The following GRIP1 variants were observed in gnomAD, a reference collection of about 807,000 sequenced individuals.
GRIP1 encodes the protein glutamate receptor interacting protein 1.
GRIP1 carries 45 observed loss-of-function variants against 129.9 expected under a neutral mutation model. The ratio of observed to expected loss-of-function variants is 0.35; its 90% confidence interval spans 0.27 to 0.44. GRIP1 has a LOEUF of 0.44. Among genes scored for constraint, GRIP1 ranks in the 20% least tolerant of loss-of-function variants. GRIP1 has a pLI of 1.00. For synonymous variants in GRIP1, 530 were observed against 520.8 expected (o/e 1.02, Z -0.24); for missense variants, 1,196 against 1,396.8 (o/e 0.86, Z 2.29).
intron 1 of GRIP1, among the ~76,000 whole-genome samples, chr12:66,850,790 C>T (rs1410851250): frequency 6.6e-6 from 1 of 151,806 alleles, no homozygotes; most frequent in Non-Finnish European, 1.5e-5. Flanking sequence ...TAACCACATA[C>T]ACACACGGCT....
At chr12:66,585,092 C>CTT (rs1355677788) in intron 2 of GRIP1, among the ~76,000 whole-genome samples, 2 of 131,204 alleles carry the variant, frequency 1.5e-5, no homozygotes, top group African/African-American at 6.3e-5. Context: ...AGATATACTT[C>CTT]TTTTTTTTCC....
chr12:66,857,874 T>C (rs2040035032), intron 1 of GRIP1, among the ~76,000 whole-genome samples: 1 of 152,004 alleles, frequency 6.6e-6, no homozygotes, highest in Admixed American at 6.6e-5. Context: ...AGTACAAGCT[T>C]ATCAAGTGTG....
chr12:66,654,865 G>A (rs1391477323), intron 1 of GRIP1, among the ~76,000 whole-genome samples: 3 of 152,192 alleles, frequency 2.0e-5, no homozygotes, highest in African/African-American at 7.2e-5. Flanking sequence ...AATATTGTAA[G>A]TCTGGGAAGC....
chr12:67,059,603 T>C lies in GRIP1; in HGVS notation c.58+9447A>G, dbSNP rs147378723. Among the ~76,000 whole-genome samples, 277 of 152,370 alleles carry C rather than the reference T, an allele frequency of 1.8e-3. 1 individual carries two copies. Among genetic ancestry groups the C allele is most frequent in the African/African-American group, 6.4e-3 (266 of 41,590 alleles). On this transcript the variant is annotated intron_variant, in intron 1 of 1. Coordinates refer to the GRIP1 transcript ENST00000643019. Reference sequence around the variant, plus strand: ...AAACTAGAGACTAATGTGTTCTTAATTGACAAGATCTAATTTTTTCCTTTT... The same window carrying C: ...AAACTAGAGACTAATGTGTTCTTAACTGACAAGATCTAATTTTTTCCTTTT...
At chr12:66,470,451 T>C (rs1273989217) in intron 7 of GRIP1, among the ~76,000 whole-genome samples, 1 of 152,076 alleles carries the variant, frequency 6.6e-6, no homozygotes, top group Non-Finnish European at 1.5e-5. Context: ...TTTTTTTTTT[T>C]AACAACTGCT....
chr12:66,764,520 C>T (rs894211399), intron 1 of GRIP1, among the ~76,000 whole-genome samples: 2 of 152,118 alleles, frequency 1.3e-5, no homozygotes, highest in East Asian at 1.9e-4. Context: ...CAGGAATGTG[C>T]TTTACTTCAT....
Position 66,754,662 on chromosome 12 carries a change from T to C in GRIP1, c.-420+49391A>G, listed in dbSNP as rs534182930. On this transcript the variant is annotated intron_variant, in intron 1 of 4. Transcript: ENST00000538373. ...ACTGCCCTTTAACACTCAGAGCTGA[T>C]ACCATTATTCCAGAAGTAAGACTAA... Among the ~76,000 whole-genome samples, 4 of 152,298 alleles carry C rather than the reference T, an allele frequency of 2.6e-5. No homozygotes were observed. In the South Asian group the frequency reaches 8.3e-4, roughly 32 times the overall value.
At chr12:66,565,139 T>G (rs1354904804) in intron 2 of GRIP1, among the ~76,000 whole-genome samples, 2 of 152,336 alleles carry the variant, frequency 1.3e-5, no homozygotes, top group East Asian at 3.9e-4. Context: ...TAGATCCCAT[T>G]TGTCAATTTT....
At chr12:66,997,314 CAT>C (rs1458435541) in intron 1 of GRIP1, among the ~76,000 whole-genome samples, 1 of 151,774 alleles carries the variant, frequency 6.6e-6, no homozygotes. Flanking sequence ...AGCCACAGCA[CAT>C]GTCTGTAATT....
intron 1 of GRIP1, among the ~76,000 whole-genome samples, chr12:66,815,194 G>A (rs1823400575): frequency 6.6e-6 from 1 of 152,140 alleles, no homozygotes; most frequent in South Asian, 2.1e-4. Context: ...TACCAACAAA[G>A]GACAAGTCAA....
chr12:66,562,968 G>A (rs1006337255), intron 2 of GRIP1, among the ~76,000 whole-genome samples: 1 of 151,454 alleles, frequency 6.6e-6, no homozygotes, highest in African/African-American at 2.4e-5. Context: ...TCATCATAAA[G>A]GTCTTCATCC....
intron 14 of GRIP1, among the ~76,000 whole-genome samples, chr12:66,427,180 G>A (rs2058014971): frequency 6.6e-6 from 1 of 152,106 alleles, no homozygotes; most frequent in South Asian, 2.1e-4. Context: ...CTTCCCCTCT[G>A]CTTCTTTACT....
rs2042495105 is a variant in GRIP1 at position 66,998,006 on chromosome 12, T to C, written c.58+71044A>G. On this transcript the variant is annotated intron_variant, in intron 1 of 1. Transcript: ENST00000643019. The stretch of plus-strand genomic sequence containing the variant: ...CCATAATTTGCAAAATTTCAAATTT[T>C]TAAAACCAAGACAAACTGAGTTTGA... Among the ~76,000 whole-genome samples the C allele has an allele frequency of 2.0e-5, 3 of 152,186 alleles. No individual in the cohort carries two copies. In the South Asian group the frequency reaches 6.2e-4, roughly 32 times the overall value.
intron 7 of GRIP1, among the ~76,000 whole-genome samples, chr12:66,507,943 T>C (rs528124452): frequency 1.3e-5 from 2 of 152,246 alleles, no homozygotes; most frequent in South Asian, 2.1e-4. Flanking sequence ...GCTAACACTG[T>C]AGGGCATTTC....
At chr12:67,065,428 G>A (rs1215478413) in intron 1 of GRIP1, 6 of 152,184 alleles carry the variant, frequency 3.9e-5, no homozygotes, top group African/African-American at 1.4e-4. Flanking sequence ...AAAAAGGCAA[G>A]GGGGTGAAGT....
intron 9 of GRIP1, among the ~76,000 whole-genome samples, chr12:66,458,482 T>A (rs536927681): frequency 6.6e-6 from 1 of 152,322 alleles, no homozygotes; most frequent in South Asian, 2.1e-4. Context: ...CCTCTCAGGT[T>A]CAAGTGATTC....
chr12:66,696,697 T>C (rs144256090), intron 1 of GRIP1, among the ~76,000 whole-genome samples: 3,569 of 149,400 alleles, frequency 0.024, 129 homozygotes, highest in African/African-American at 0.083. Flanking sequence ...CCCAGCTACT[T>C]GGGAGGCTGA....
chr12:66,894,341 A>G (rs1592935194), intron 1 of GRIP1, among the ~76,000 whole-genome samples: 1 of 152,106 alleles, frequency 6.6e-6, no homozygotes, highest in East Asian at 1.9e-4. Context: ...TCTACCCCCT[A>G]CCAAGCCAGC....
intron 7 of GRIP1, among the ~76,000 whole-genome samples, chr12:66,481,607 C>G (rs1421923249): frequency 2.0e-5 from 3 of 152,118 alleles, no homozygotes; most frequent in Non-Finnish European, 4.4e-5. Context: ...GGTATATACC[C>G]AAAGGATTAT....
Sources: allele counts gnomAD v4.1 joint callset (sites outside exome capture counted in the v4.1 genomes callset), GRCh38; gene constraint gnomAD v4.1.1; transcripts MANE v1.5; gene names NCBI Gene and HGNC (gene_info 2026-07-23, HGNC 2026-07-21).